The following HORMAD1 variants were observed in gnomAD, a reference collection of about 807,000 sequenced individuals.
HORMAD1 encodes the protein HORMA domain containing 1.
Under a neutral mutation model 58.2 loss-of-function variants are expected in HORMAD1, and 33 were observed. That is an observed-to-expected ratio of 0.57 (90% CI 0.43 to 0.76). The LOEUF (loss-of-function observed/expected upper bound fraction) is 0.76. Ranked by LOEUF, HORMAD1 falls within the 30% of genes least tolerant of loss-of-function variation. The pLI is 0.00. For missense variants in HORMAD1, 363 were observed against 462.0 expected (o/e 0.79, Z 1.96); for synonymous variants, 137 against 144.6 (o/e 0.95, Z 0.38).
rs587637818 is a variant in HORMAD1, at chr1:150,711,970, T to C, written c.280-117A>G. On this transcript the variant is annotated intron_variant, in intron 5 of 14. Coordinates refer to ENST00000361824, the MANE Select transcript of HORMAD1 (RefSeq NM_032132.5). ...TGTATTCCTAATAACAAATAATCAT[T>C]GCAGATCTTGACTGCATAAGATCAA... 4.1e-6 allele frequency: 3 copies of C among 729,970 alleles called. No homozygotes were observed. In the Admixed American group the frequency reaches 7.1e-5, roughly 17 times the overall value. The allele number at this position is 729,970 out of a possible 1,614,324, so 45.2% of individuals were successfully genotyped here.
At position 150,708,256 on chromosome 1, in the gene HORMAD1, C is replaced by A; in HGVS notation, c.547G>T (p.Val183Phe). 1 of 1,593,996 alleles carries A rather than the reference C, an allele frequency of 6.3e-7. No individual in the cohort carries two copies. Among genetic ancestry groups the A allele is most frequent in the Non-Finnish European group, 8.5e-7 (1 of 1,170,180 alleles). Residue 183 changes from valine to phenylalanine, a missense_variant and splice_region_variant, in exon 9 of 15, where the codon GTT (valine) becomes TTT (phenylalanine). Val to Phe is a conservative substitution (Grantham distance 50). Transcript: ENST00000361824. ...LTMKLFYYDE[V>F]TPPDYQPPGF... ...AAACAGGATGTATTGCAAATAGTAC[C>A]TTCATCATAGTAAAAAAGTTTCATG...
chr1:150,708,497 T>C, intron 8 of HORMAD1, 90 bp from the exon 9 acceptor site: 1 of 838,310 alleles, frequency 1.2e-6, no homozygotes, highest in Non-Finnish European at 1.8e-6. Flanking sequence ...GATTCTTATT[T>C]CTATTATAGC....
intron 13 of HORMAD1, among the ~76,000 whole-genome samples, chr1:150,700,491 T>C (rs1651505360): frequency 6.6e-6 from 1 of 152,186 alleles, no homozygotes; most frequent in African/African-American, 2.4e-5. Flanking sequence ...ATAATTTAGA[T>C]ACTATATGAT....
chr1:150,716,055 T>G (rs933921769), intron 3 of HORMAD1, among the ~76,000 whole-genome samples: 4 of 150,754 alleles, frequency 2.7e-5, no homozygotes, highest in Admixed American at 6.6e-5. Flanking sequence ...CAATAGAACA[T>G]TATTCAGCAA....
rs974154938 is a variant in HORMAD1, at chr1:150,709,805, G to A, written c.328-844C>T. Among the ~76,000 whole-genome samples, 5 of 152,308 alleles carry A rather than the reference G, an allele frequency of 3.3e-5. No individual in the cohort carries two copies. In the East Asian group the frequency reaches 5.8e-4, roughly 18 times the overall value. The stretch of plus-strand genomic sequence containing the variant: ...GACAAAAACCGCCCTATGGTGGGAG[G>A]CGAGACATGTTTGCAGCAATGCTGC... On this transcript the variant is annotated intron_variant, in intron 7 of 14. Transcript: ENST00000361824.
At position 150,707,131 on chromosome 1, in the gene HORMAD1, G is replaced by A. The variant is rs587700402; in HGVS notation, c.548-322C>T. The stretch of plus-strand genomic sequence containing the variant: ...ATAAAATAAAGTGTCGTAAAATGTT[G>A]AGAAGAGAACTGGCACATAGTAAAT... On this transcript the variant is annotated intron_variant, in intron 9 of 14. Coordinates refer to ENST00000361824, the MANE Select transcript of HORMAD1 (RefSeq NM_032132.5). Among the ~76,000 whole-genome samples, 44 of 152,288 alleles carry A rather than the reference G, an allele frequency of 2.9e-4. 2 individuals carry two copies. In the South Asian group the frequency reaches 8.9e-3, roughly 31 times the overall value.
intron 14 of HORMAD1, 71 bp from the exon 15 acceptor site, chr1:150,698,805 A>T (rs1409776350): frequency 2.3e-6 from 2 of 887,716 alleles, no homozygotes; most frequent in African/African-American, 3.4e-5. Flanking sequence ...AGATTTTTTC[A>T]TGTATCTGAG....
intron 10 of HORMAD1, among the ~76,000 whole-genome samples, chr1:150,705,136 G>T (rs185348979): frequency 3.9e-5 from 6 of 152,230 alleles, no homozygotes; most frequent in Non-Finnish European, 2.9e-5. Flanking sequence ...AGTGTTCCTA[G>T]AATTTCTATC....
chr1:150,710,015 T>C (rs1278548461), intron 7 of HORMAD1, among the ~76,000 whole-genome samples: 2 of 152,174 alleles, frequency 1.3e-5, no homozygotes, highest in Non-Finnish European at 2.9e-5. Context: ...TTTACTAAAA[T>C]AATGAAGATA....
intron 13 of HORMAD1, among the ~76,000 whole-genome samples, chr1:150,701,403 G>T (rs1651533365): frequency 6.6e-6 from 1 of 152,126 alleles, no homozygotes; most frequent in Admixed American, 6.5e-5. Context: ...GAATAGGGGT[G>T]GGGGAAGACA....
At chr1:150,715,034 C>T (rs1361325403) in intron 3 of HORMAD1, among the ~76,000 whole-genome samples, 3 of 152,098 alleles carry the variant, frequency 2.0e-5, no homozygotes, top group African/African-American at 7.2e-5. Context: ...ACCCGCCTGC[C>T]TCAACCTCCC....
intron 2 of HORMAD1, among the ~76,000 whole-genome samples, chr1:150,717,914 C>T (rs748418445): frequency 2.4e-4 from 37 of 152,024 alleles, no homozygotes; most frequent in Non-Finnish European, 1.2e-4. Context: ...CCACTGCACT[C>T]CAGCCTGAGT....
chr1:150,713,452 C>T (rs1394098795), intron 5 of HORMAD1, among the ~76,000 whole-genome samples: 8 of 151,960 alleles, frequency 5.3e-5, no homozygotes, highest in South Asian at 2.1e-4. Flanking sequence ...AGGAGAATGG[C>T]GTGAACCTGG....
At chr1:150,716,348 G>C (rs1557800860) in intron 3 of HORMAD1, among the ~76,000 whole-genome samples, 1 of 151,510 alleles carries the variant, frequency 6.6e-6, no homozygotes, top group Non-Finnish European at 1.5e-5. Flanking sequence ...TTTTAGTAGA[G>C]ACGGGGTTTC....
Position 150,719,486 on chromosome 1 carries a change from T to G in HORMAD1, c.20A>C (p.Gln7Pro). Residue 7 changes from glutamine (Q) to proline (P), a missense_variant, in exon 2 of 15, where the codon CAG becomes CCG. This residue lies in a region of HORMAD1 where 128 missense variants were observed against 171.8 expected (regional missense o/e 0.74). Coordinates refer to ENST00000361824, the MANE Select transcript of HORMAD1 (RefSeq NM_032132.5). ...AAGAAATCATACCATGGGAGTCCTCTGCAACTGGGCAGTGGCCATCTTCTT... is the reference window on the plus strand; with the variant it reads ...AAGAAATCATACCATGGGAGTCCTCGGCAACTGGGCAGTGGCCATCTTCTT... MATAQLQRTPMSALVFP... is the reference protein window; with the variant it reads MATAQLPRTPMSALVFP... 1 of 1,584,224 alleles carries G rather than the reference T, an allele frequency of 6.3e-7. No individual in the cohort carries two copies. The highest frequency in any genetic ancestry group is 8.6e-7 in the Non-Finnish European group (1 of 1,163,330).
chr1:150,701,551 G>A (rs2867298), intron 13 of HORMAD1, among the ~76,000 whole-genome samples: 6,125 of 152,230 alleles, frequency 0.04, 410 homozygotes, highest in African/African-American at 0.14. Flanking sequence ...CTACCAACAT[G>A]ATATCTCTGA....
chr1:150,708,502 T>C (rs998152411), intron 8 of HORMAD1, 95 bp from the exon 9 acceptor site: 1 of 801,492 alleles, frequency 1.2e-6, no homozygotes, highest in Non-Finnish European at 1.9e-6. Flanking sequence ...TTATTTCTAT[T>C]ATAGCATTAA....
At chr1:150,712,932 ACT>A (rs1439437632) in intron 5 of HORMAD1, among the ~76,000 whole-genome samples, 1 of 152,202 alleles carries the variant, frequency 6.6e-6, no homozygotes, top group African/African-American at 2.4e-5. Flanking sequence ...AATAAAAGCC[ACT>A]GAGTGCTCTG....
chr1:150,705,033 ACT>A (rs1651651970), intron 10 of HORMAD1, among the ~76,000 whole-genome samples: 1 of 152,182 alleles, frequency 6.6e-6, no homozygotes, highest in East Asian at 1.9e-4. Context: ...AAAGAGCAAG[ACT>A]CTGTCTCAAA....
Sources: allele counts gnomAD v4.1 joint callset (sites outside exome capture counted in the v4.1 genomes callset), GRCh38; gene constraint gnomAD v4.1.1; regional missense constraint gnomAD v4.1.1; transcripts MANE v1.5; gene names NCBI Gene and HGNC (gene_info 2026-07-23, HGNC 2026-07-21).